THOC5: variants seen among roughly 807,000 people sequenced by gnomAD.
The protein encoded by THOC5 is THO complex subunit 5, also known as Fms-interacting protein.
Under a neutral mutation model 92.9 loss-of-function variants are expected in THOC5, and 43 were observed. The observed-to-expected ratio is 0.46, with a 90% CI of 0.36 to 0.60. The LOEUF (loss-of-function observed/expected upper bound fraction) is 0.60, where lower values mean the gene tolerates loss of function less well. THOC5 is among the 20% of genes least tolerant of loss of function. THOC5 has a pLI of 0.00. For synonymous variants in THOC5, 296 were observed against 320.1 expected, an observed-to-expected ratio of 0.92 and a Z score of 0.80; for missense variants, 659 against 849.4, an observed-to-expected ratio of 0.78 and a Z score of 2.79.
At chr22:29,525,548 T>C (rs2063525964) in intron 12 of THOC5, among the ~76,000 whole-genome samples, 1 of 152,188 alleles carries the variant, frequency 6.6e-6, no homozygotes, top group Admixed American at 6.5e-5. Flanking sequence ...TCACACACTT[T>C]CCACTGGTAG....
Position 29,519,043 on chromosome 22 carries a change from C to G in THOC5, c.1452G>C (p.Gln484His). Residue 484 changes from glutamine (Q) to histidine (H), a missense_variant, in exon 15 of 20, where the codon CAG (glutamine) becomes CAC (histidine). By Grantham distance (24) the Gln-to-His change is conservative (BLOSUM62 0). Transcript: ENST00000490103. ...TTMKLLKTRV[Q>H]SRLALHKQFA... The stretch of plus-strand genomic sequence containing the variant: ...ACTGTTTGTGGAGGGCCAGGCGGGA[C>G]TGCACCCTGGTCTTCAGAAGTTTCA... The G allele has an allele frequency of 1.2e-6, 2 of 1,610,456 alleles. No individual in the cohort carries two copies. The highest frequency in any genetic ancestry group is 1.7e-6 in the Non-Finnish European group (2 of 1,178,316).
intron 12 of THOC5, among the ~76,000 whole-genome samples, chr22:29,525,102 G>A (rs941133946): frequency 5.3e-5 from 8 of 151,978 alleles, no homozygotes; most frequent in African/African-American, 1.9e-4. Flanking sequence ...GCAAGACCCC[G>A]TTTCTATAAA....
At chr22:29,508,548 A>C in intron 19 of THOC5, 28 bp from the exon 20 acceptor site, 1 of 1,578,372 alleles carries the variant, frequency 6.3e-7, no homozygotes, top group East Asian at 2.2e-5. Flanking sequence ...CGGAGTTGTT[A>C]ATAACACACC....
At chr22:29,512,364 G>A (rs1398365250) in intron 17 of THOC5, among the ~76,000 whole-genome samples, 2 of 152,206 alleles carry the variant, frequency 1.3e-5, no homozygotes, top group African/African-American at 2.4e-5. Flanking sequence ...CATATTTACT[G>A]TGCCACAAAG....
intron 13 of THOC5, 105 bp downstream of exon 13, chr22:29,520,893 A>G: frequency 1.2e-6 from 1 of 812,568 alleles, no homozygotes; most frequent in Non-Finnish European, 2.1e-6. Flanking sequence ...GGTCTTTCCT[A>G]TCCTCTGGGT....
At chr22:29,519,518 G>A (rs1199150232) in intron 14 of THOC5, among the ~76,000 whole-genome samples, 4 of 152,190 alleles carry the variant, frequency 2.6e-5, no homozygotes, top group Non-Finnish European at 5.9e-5. Flanking sequence ...AAATGCAAAA[G>A]GTACGTAAAC....
At chr22:29,536,774 C>A in intron 6 of THOC5, 36 bp from the exon 7 acceptor site, 1 of 1,177,454 alleles carries the variant, frequency 8.5e-7, no homozygotes, top group South Asian at 1.2e-5. Flanking sequence ...CACCTGATAT[C>A]CCCCAGTGAT....
intron 17 of THOC5, among the ~76,000 whole-genome samples, chr22:29,515,014 CT>C (rs1409378607): frequency 1.4e-5 from 2 of 145,972 alleles, no homozygotes; most frequent in African/African-American, 5.1e-5. Context: ...CCATAAAGTA[CT>C]TTTAAATTAA....
chr22:29,525,590 A>G (rs766280702), intron 12 of THOC5, among the ~76,000 whole-genome samples: 1 of 152,194 alleles, frequency 6.6e-6, no homozygotes, highest in Non-Finnish European at 1.5e-5. Context: ...CACCTACTCA[A>G]TTTGCAAATA....
Position 29,543,551 on chromosome 22 carries a change from A to G in THOC5, c.241-9T>C, listed in dbSNP as rs771547987. On this transcript the variant is annotated splice_polypyrimidine_tract_variant and intron_variant, in intron 3 of 19. Coordinates refer to ENST00000490103, the MANE Select transcript of THOC5 (RefSeq NM_003678.5). ...TCTTCTATTTCTATTGCCTGTGGGC[A>G]AAGAAAACAGTAAAGCCCACTGACG... 1.2e-6 allele frequency: 2 copies of G among 1,606,476 alleles called. No homozygotes were observed. Among genetic ancestry groups the G allele is most frequent in the Admixed American group, 3.3e-5 (2 of 59,916 alleles).
chr22:29,543,640 C>G, intron 3 of THOC5, 98 bp from the exon 4 acceptor site: 1 of 753,248 alleles, frequency 1.3e-6, no homozygotes, highest in Non-Finnish European at 2.2e-6. Context: ...GGGCCAAAAA[C>G]GGCACCGGAG....
intron 15 of THOC5, among the ~76,000 whole-genome samples, chr22:29,518,660 C>T (rs1299717320): frequency 3.3e-5 from 5 of 152,212 alleles, no homozygotes; most frequent in Non-Finnish European, 1.5e-5. Flanking sequence ...CAGTGCCTGG[C>T]ATGAATCAGG....
At chr22:29,511,012 G>A (rs2063211330) in intron 19 of THOC5, 94 bp downstream of exon 19, 4 of 1,393,970 alleles carry the variant, frequency 2.9e-6, no homozygotes, top group Non-Finnish European at 3.9e-6. Flanking sequence ...GGAAGTTTCA[G>A]GAAGGAAGAA....
intron 4 of THOC5, 118 bp downstream of exon 4, chr22:29,543,311 G>A: frequency 1.5e-6 from 1 of 657,196 alleles, no homozygotes; most frequent in Non-Finnish European, 2.5e-6. Context: ...TCGTGCCACT[G>A]CACTCTAGCC....
chr22:29,514,465 C>T (rs1293044530), intron 17 of THOC5, among the ~76,000 whole-genome samples: 4 of 151,094 alleles, frequency 2.6e-5, no homozygotes, highest in East Asian at 2.0e-4. Flanking sequence ...TACAGGCGCC[C>T]GCCACCAGGC....
intron 11 of THOC5, among the ~76,000 whole-genome samples, chr22:29,527,194 A>C (rs1196940492): frequency 6.6e-5 from 10 of 152,160 alleles, no homozygotes; most frequent in Admixed American, 6.5e-4. Context: ...CTGAGGCAGG[A>C]GGATCGTTTG....
At chr22:29,546,122 C>T (rs919844095) in intron 2 of THOC5, among the ~76,000 whole-genome samples, 3 of 152,242 alleles carry the variant, frequency 2.0e-5, no homozygotes, top group African/African-American at 7.2e-5. Context: ...CTCTGAGCCA[C>T]AGGCCAAGCT....
At chr22:29,548,981 C>CA (rs2064085328) in intron 2 of THOC5, 71 bp downstream of exon 2, 20 of 1,506,876 alleles carry the variant, frequency 1.3e-5, no homozygotes, top group Non-Finnish European at 1.7e-5. Context: ...CGAGCTGCTG[C>CA]AAACACACAG....
intron 8 of THOC5, chr22:29,531,404 C>T (rs1172054895): frequency 1.0e-6 from 1 of 999,014 alleles, no homozygotes; most frequent in African/African-American, 1.7e-5. Flanking sequence ...AAATTCACAA[C>T]AAAGACATGC....
Sources: allele counts gnomAD v4.1 joint callset (sites outside exome capture counted in the v4.1 genomes callset), GRCh38; gene constraint gnomAD v4.1.1; transcripts MANE v1.5; gene names NCBI Gene and HGNC (gene_info 2026-07-23, HGNC 2026-07-21).